The following MSRA variants were observed in gnomAD, a reference collection of about 807,000 sequenced individuals.
MSRA encodes mitochondrial peptide methionine sulfoxide reductase.
In MSRA, 54 loss-of-function variants were observed where a neutral mutation model predicts 31.3. The ratio of observed to expected loss-of-function variants is 1.73; its 90% CI spans 1.39 to 2.17. The LOEUF (loss-of-function observed/expected upper bound fraction) is 2.17. Ranked by LOEUF, MSRA falls within the 30% of genes most tolerant of loss-of-function variation. MSRA has a pLI of 0.00. For missense variants in MSRA, 507 were observed against 300.9 expected, an observed-to-expected ratio of 1.69 and a Z score of -5.07; for synonymous variants, 169 against 116.5, an observed-to-expected ratio of 1.45 and a Z score of -2.90.
chr8:10,303,283 A>G (rs527817707), intron 4 of MSRA, among the ~76,000 whole-genome samples: 31 of 152,330 alleles, frequency 2.0e-4, no homozygotes, highest in Admixed American at 5.9e-4. Context: ...TCTGTCGTCA[A>G]CTTCTCTCTC....
intron 1 of MSRA, among the ~76,000 whole-genome samples, chr8:10,111,803 C>T (rs544160682): frequency 1.3e-5 from 2 of 152,302 alleles, no homozygotes; most frequent in South Asian, 2.1e-4. Context: ...ATGCTATGTG[C>T]TGTGAGATGG....
chr8:10,194,488 C>A (rs1453003583), intron 1 of MSRA, among the ~76,000 whole-genome samples: 2 of 152,154 alleles, frequency 1.3e-5, no homozygotes, highest in Non-Finnish European at 2.9e-5. Context: ...ATGGCTTGAA[C>A]CTGGGAGGCA....
intron 1 of MSRA, among the ~76,000 whole-genome samples, chr8:10,080,550 A>AG (rs771563375): frequency 1.3e-5 from 2 of 151,946 alleles, no homozygotes; most frequent in Non-Finnish European, 2.9e-5. Flanking sequence ...TTTTTAGAGA[A>AG]GGTCTCACTC....
intron 5 of MSRA, among the ~76,000 whole-genome samples, chr8:10,369,609 G>T (rs997107540): frequency 6.6e-6 from 1 of 152,128 alleles, no homozygotes; most frequent in African/African-American, 2.4e-5. Flanking sequence ...AAGGAGGATA[G>T]AAATTTATAA....
intron 1 of MSRA, among the ~76,000 whole-genome samples, chr8:10,144,202 A>G (rs370539916): frequency 1.0e-3 from 153 of 152,312 alleles, no homozygotes; most frequent in African/African-American, 3.6e-3. Context: ...GGTTAGGTGC[A>G]TATCGCTAGT....
intron 5 of MSRA, among the ~76,000 whole-genome samples, chr8:10,345,489 C>T (rs1458019835): frequency 3.9e-5 from 6 of 152,180 alleles, no homozygotes; most frequent in South Asian, 4.1e-4. Flanking sequence ...GACTTCAGCA[C>T]ACACATACAC....
intron 1 of MSRA, among the ~76,000 whole-genome samples, chr8:10,078,008 G>T (rs997099754): frequency 6.6e-5 from 10 of 152,128 alleles, no homozygotes; most frequent in Non-Finnish European, 1.3e-4. Context: ...AAGGTTTTGG[G>T]ATTTAAGCCC....
At chr8:10,337,163 C>G (rs1317382401) in intron 5 of MSRA, 1 of 152,942 alleles carries the variant, frequency 6.5e-6, no homozygotes, top group African/African-American at 2.4e-5. Flanking sequence ...AGGCCAGCAG[C>G]TCTAGAAGCC....
intron 5 of MSRA, among the ~76,000 whole-genome samples, chr8:10,340,842 C>A (rs772883547): frequency 5.9e-5 from 9 of 152,266 alleles, no homozygotes; most frequent in Non-Finnish European, 1.0e-4. Context: ...CTCACATCAG[C>A]TTCTCTGTTC....
intron 5 of MSRA, among the ~76,000 whole-genome samples, chr8:10,403,600 A>G (rs529552749): frequency 1.6e-4 from 24 of 152,312 alleles, no homozygotes; most frequent in Non-Finnish European, 3.2e-4. Flanking sequence ...GGGGAAAAGC[A>G]TTCCCCAACA....
chr8:10,178,749 C>A (rs1011845916), intron 1 of MSRA, among the ~76,000 whole-genome samples: 1 of 152,110 alleles, frequency 6.6e-6, no homozygotes, highest in African/African-American at 2.4e-5. Flanking sequence ...AGATTGGAAA[C>A]TCTCAATTTT....
At chr8:10,371,158 G>A (rs1268190975) in intron 5 of MSRA, among the ~76,000 whole-genome samples, 3 of 152,180 alleles carry the variant, frequency 2.0e-5, no homozygotes, top group African/African-American at 7.2e-5. Context: ...TAATTCTTTA[G>A]TTATTTTTAG....
At chr8:10,121,341 C>G (rs1409650918) in intron 1 of MSRA, among the ~76,000 whole-genome samples, 1 of 152,142 alleles carries the variant, frequency 6.6e-6, no homozygotes, top group African/African-American at 2.4e-5. Context: ...GCAGCACTGA[C>G]CGTGCATCCA....
intron 1 of MSRA, among the ~76,000 whole-genome samples, chr8:10,090,521 C>G (rs1228008074): frequency 3.3e-5 from 5 of 152,182 alleles, no homozygotes; most frequent in African/African-American, 7.2e-5. Context: ...TGGACTGCAA[C>G]TTTTAAAAAG....
At chr8:10,247,802 A>C (rs1438179049) in intron 3 of MSRA, among the ~76,000 whole-genome samples, 1 of 152,216 alleles carries the variant, frequency 6.6e-6, no homozygotes, top group Non-Finnish European at 1.5e-5. Context: ...CTGATCATAA[A>C]AGGGAAAAAC....
At chr8:10,399,570 C>CCGAG (rs1444737128) in intron 5 of MSRA, among the ~76,000 whole-genome samples, 1 of 152,216 alleles carries the variant, frequency 6.6e-6, no homozygotes, top group African/African-American at 2.4e-5. Context: ...TCACCAGAAG[C>CCGAG]CGAGCAGATG....
intron 5 of MSRA, among the ~76,000 whole-genome samples, chr8:10,324,247 A>G (rs1802231279): frequency 6.6e-6 from 1 of 152,112 alleles, no homozygotes; most frequent in Non-Finnish European, 1.5e-5. Context: ...ATTAATTTAC[A>G]TTTATATTTA....
At chr8:10,274,092 C>G (rs373185466) in intron 3 of MSRA, among the ~76,000 whole-genome samples, 2 of 152,136 alleles carry the variant, frequency 1.3e-5, no homozygotes, top group Admixed American at 6.6e-5. Flanking sequence ...ATCAAGGCAT[C>G]TGGCAAAGGA....
chr8:10,322,262 T>G (rs1802085611), intron 5 of MSRA, among the ~76,000 whole-genome samples: 1 of 151,466 alleles, frequency 6.6e-6, no homozygotes, highest in Non-Finnish European at 1.5e-5. Context: ...GCAATGACCT[T>G]AGAATAAATG....
Sources: allele counts gnomAD v4.1 joint callset (sites outside exome capture counted in the v4.1 genomes callset), GRCh38; gene constraint gnomAD v4.1.1; transcripts MANE v1.5; gene names NCBI Gene and HGNC (gene_info 2026-07-23, HGNC 2026-07-21).